FRYL: variants seen among roughly 807,000 people sequenced by gnomAD.
FRYL encodes the protein protein furry homolog-like.
A neutral mutation model predicts 351.2 loss-of-function variants in FRYL; 150 were observed. The ratio of observed to expected loss-of-function variants is 0.43; its 90% CI spans 0.37 to 0.49. The LOEUF (loss-of-function observed/expected upper bound fraction) is 0.49, where lower values mean the gene tolerates loss of function less well. FRYL is among the 20% of genes least tolerant of loss of function. The pLI, the probability that FRYL is intolerant of heterozygous loss-of-function variation, is 0.00. For synonymous variants in FRYL, 1,153 were observed against 1,257.1 expected (o/e 0.92, Z 1.75); for missense variants, 3,036 against 3,619.3 (o/e 0.84, Z 4.13).
chr4:48,646,488 T>C (rs1756492122), intron 3 of FRYL, among the ~76,000 whole-genome samples: 2 of 152,334 alleles, frequency 1.3e-5, no homozygotes, highest in Admixed American at 1.3e-4. Context: ...AAACAGGCAA[T>C]GTCCTGTGGT....
At chr4:48,681,420 A>G (rs1764593346) in intron 3 of FRYL, among the ~76,000 whole-genome samples, 1 of 152,176 alleles carries the variant, frequency 6.6e-6, no homozygotes, top group Non-Finnish European at 1.5e-5. Context: ...TAAAATATTG[A>G]GCGTCCATCT....
chr4:48,741,344 T>A (rs1044492001), intron 1 of FRYL, among the ~76,000 whole-genome samples: 5 of 151,904 alleles, frequency 3.3e-5, no homozygotes, highest in African/African-American at 1.2e-4. Flanking sequence ...ATCGAGACCA[T>A]CCTAGCTAAT....
intron 23 of FRYL, 104 bp from the exon 24 acceptor site, chr4:48,576,326 G>C (rs1369047205): frequency 3.5e-5 from 30 of 868,336 alleles, no homozygotes; most frequent in Non-Finnish European, 4.8e-5. Context: ...TTTTGAGACA[G>C]AGTGTCACTC....
chr4:48,777,484 C>A (rs1406228869), intron 1 of FRYL, among the ~76,000 whole-genome samples: 1 of 152,202 alleles, frequency 6.6e-6, no homozygotes, highest in Non-Finnish European at 1.5e-5. Context: ...TACAGTGAAT[C>A]TGCACAGAAA....
At chr4:48,616,938 G>C (rs1467259720) in intron 7 of FRYL, among the ~76,000 whole-genome samples, 1 of 152,138 alleles carries the variant, frequency 6.6e-6, no homozygotes, top group Non-Finnish European at 1.5e-5. Flanking sequence ...AGAAAATTGG[G>C]TTAGTTAGTG....
chr4:48,583,220 C>T lies in FRYL; in HGVS notation c.1749-486G>A, dbSNP rs977289412. Among the ~76,000 whole-genome samples the T allele has an allele frequency of 5.3e-5, 8 of 151,794 alleles. No homozygotes were observed. The East Asian group carries it at 1.2e-3, about 22-fold the overall frequency. ...AGGCTGGAGTGCAGCGGCATGATCT[C>T]GGCTCATTGCAAGCACTGTCTTCTG... On this transcript the variant is annotated intron_variant, in intron 19 of 63. Coordinates refer to ENST00000358350, the MANE Select transcript of FRYL (RefSeq NM_015030.2).
intron 1 of FRYL, among the ~76,000 whole-genome samples, chr4:48,760,007 T>C (rs371212733): frequency 5.9e-5 from 9 of 152,192 alleles, no homozygotes; most frequent in African/African-American, 2.2e-4. Flanking sequence ...TCTTATTTGA[T>C]CCTCACAACT....
intron 2 of FRYL, among the ~76,000 whole-genome samples, chr4:48,695,085 C>T (rs1455264101): frequency 6.6e-6 from 1 of 152,064 alleles, no homozygotes; most frequent in African/African-American, 2.4e-5. Flanking sequence ...AACAAACAAA[C>T]AAAAAATTGG....
At chr4:48,598,992 G>T in intron 13 of FRYL, 1 of 266,168 alleles carries the variant, frequency 3.8e-6, no homozygotes, top group South Asian at 1.4e-4. Context: ...GAAGAAATTT[G>T]AAATGTCCAA....
chr4:48,715,516 AT>A (rs1329028221), intron 1 of FRYL, among the ~76,000 whole-genome samples: 20 of 151,720 alleles, frequency 1.3e-4, no homozygotes, highest in Middle Eastern at 6.8e-3. Context: ...GTGAACTCCC[AT>A]TCACAATTGC....
intron 5 of FRYL, among the ~76,000 whole-genome samples, chr4:48,622,781 G>C (rs1290609399): frequency 1.3e-5 from 2 of 152,062 alleles, no homozygotes; most frequent in Non-Finnish European, 2.9e-5. Flanking sequence ...TGCAGATTGA[G>C]AGCCCCACAG....
chr4:48,508,744 G>T (rs1721847206), intron 59 of FRYL, among the ~76,000 whole-genome samples: 1 of 152,050 alleles, frequency 6.6e-6, no homozygotes, highest in Admixed American at 6.6e-5. Context: ...TCCCCTACAT[G>T]GCCTCATCTT....
intron 63 of FRYL, 140 bp from the exon 64 acceptor site, chr4:48,499,820 A>G: frequency 1.1e-6 from 1 of 880,982 alleles, no homozygotes; most frequent in Non-Finnish European, 1.7e-6. Flanking sequence ...ATATTACTCA[A>G]AGTACCACCT....
Position 48,582,554 on chromosome 4 carries a change from T to C in FRYL, c.1929A>G (p.Gln643=), listed in dbSNP as rs772592189. The change falls in exon 20 of 64, where the codon CAA becomes CAG. Residue 643 remains glutamine (Q), a synonymous_variant. Transcript: ENST00000358350. ...CTGCTTGTTTCCACTGATTTATTAA[T>C]TGTACCAACATCTTTACGGCATTAT... is the stretch of plus-strand genomic sequence containing the variant. The part of the protein sequence containing the change: ...LLDNAVKMLV[Q]LINQWKQAAQ... The C allele has an allele frequency of 5.0e-6, 8 of 1,614,034 alleles. No individual in the cohort carries two copies. In the African/African-American group the frequency reaches 9.3e-5, roughly 19 times the overall value.
At chr4:48,631,692 T>C (rs1246075491) in intron 4 of FRYL, among the ~76,000 whole-genome samples, 3 of 151,872 alleles carry the variant, frequency 2.0e-5, no homozygotes, top group Non-Finnish European at 4.4e-5. Context: ...TATGTACAAA[T>C]TATTACAGTA....
intron 3 of FRYL, among the ~76,000 whole-genome samples, chr4:48,654,684 C>A (rs553305686): frequency 3.9e-5 from 6 of 152,274 alleles, no homozygotes; most frequent in South Asian, 4.1e-4. Flanking sequence ...ATAATTCCCA[C>A]GAAAATCTTA....
chr4:48,775,956 T>C lies in FRYL; in HGVS notation c.-384+4122A>G, dbSNP rs574324726. ...TTAAAGATAAGTATATAAAAAATGA[T>C]TAGTTTTCCCCACTCCCAATAAATG... On this transcript the variant is annotated intron_variant, in intron 1 of 63. Coordinates refer to ENST00000358350, the MANE Select transcript of FRYL (RefSeq NM_015030.2). Among the ~76,000 whole-genome samples, 15 of 151,936 alleles carry C rather than the reference T, an allele frequency of 9.9e-5. No individual in the cohort carries two copies. In the South Asian group the frequency reaches 2.3e-3, roughly 23 times the overall value.
Position 48,550,633 on chromosome 4 carries a change from C to T in FRYL, c.4592G>A (p.Arg1531Gln), listed in dbSNP as rs764716269. Residue 1531 changes from arginine (R) to glutamine (Q), a missense_variant, in exon 38 of 64, where the codon CGA becomes CAA. Transcript: ENST00000358350. ...AGATCCTCCAGAGCTGCTACTGTATCGGGATTCTAGTCTGTGATGTTGCCG... is the reference window on the plus strand; with the variant it reads ...AGATCCTCCAGAGCTGCTACTGTATTGGGATTCTAGTCTGTGATGTTGCCG... The part of the protein sequence containing the change: ...LNRQHHRLES[R>Q]YSSSSGGSYE... 6.8e-6 allele frequency: 11 copies of T among 1,613,758 alleles called. No homozygotes were observed. The highest frequency in any genetic ancestry group is 3.3e-5 in the Admixed American group (2 of 60,008).
intron 18 of FRYL, 110 bp downstream of exon 18, chr4:48,589,635 G>T: frequency 9.9e-7 from 1 of 1,006,960 alleles, no homozygotes; most frequent in Non-Finnish European, 1.5e-6. Context: ...GCAGCAGATA[G>T]AAACATGGAA....
Sources: gnomAD v4.1 joint callset for allele counts (sites outside exome capture counted in the v4.1 genomes callset) on GRCh38, gnomAD v4.1.1 for gene constraint, MANE v1.5 for transcripts, NCBI Gene and HGNC (gene_info 2026-07-23, HGNC 2026-07-21) for gene names.